CSMD1: variants seen among roughly 807,000 people sequenced by gnomAD.
CSMD1 encodes CUB and sushi domain-containing protein 1.
Under a neutral mutation model 417.5 loss-of-function variants are expected in CSMD1, and 213 were observed. That is an observed-to-expected ratio of 0.51 (90% CI 0.46 to 0.57). The LOEUF is 0.57. Among genes scored for constraint, CSMD1 ranks in the 20% least tolerant of loss-of-function variants. CSMD1 has a pLI of 0.00. For missense variants in CSMD1, 6,923 were observed against 4,529.7 expected (o/e 1.53, Z -15.17); for synonymous variants, 2,862 against 1,736.8 (o/e 1.65, Z -16.11).
chr8:3,503,521 C>G (rs1459316560), intron 10 of CSMD1, among the ~76,000 whole-genome samples: 1 of 152,220 alleles, frequency 6.6e-6, no homozygotes, highest in Non-Finnish European at 1.5e-5. Context: ...GTATTTCATG[C>G]TAAAATCTCC....
chr8:2,973,660 TGG>T lies in CSMD1; in HGVS notation c.8741-363_8741-362del, dbSNP rs66521104. Among the ~76,000 whole-genome samples, 1,021 of 134,508 alleles carry T rather than the reference TGG, an allele frequency of 7.6e-3. 13 individuals are homozygous for T. Among genetic ancestry groups the T allele is most frequent in the African/African-American group, 0.027 (955 of 35,734 alleles). 88.2% of individuals were successfully genotyped at this position (134,508 alleles called of 152,430 possible). ...TGGGGCTTTAGGTAAACAGGGAATG[TGG>T]GGAAAAAAAAAAAAAAAGTCAAAGG... On this transcript the variant is annotated intron_variant, in intron 56 of 69. Transcript: ENST00000635120.
intron 4 of CSMD1, among the ~76,000 whole-genome samples, chr8:4,010,627 C>A (rs1007787237): frequency 6.6e-6 from 1 of 152,090 alleles, no homozygotes; most frequent in Admixed American, 6.5e-5. Flanking sequence ...AGGTCACTTA[C>A]CCAAACACCT....
intron 2 of CSMD1, among the ~76,000 whole-genome samples, chr8:4,540,136 G>T (rs1354152690): frequency 6.6e-6 from 1 of 152,172 alleles, no homozygotes; most frequent in Non-Finnish European, 1.5e-5. Flanking sequence ...ACCGAAAGTG[G>T]TTGGCGTGCA....
intron 23 of CSMD1, among the ~76,000 whole-genome samples, chr8:3,324,734 C>T (rs1038721267): frequency 6.7e-6 from 1 of 148,460 alleles, no homozygotes; most frequent in African/African-American, 2.5e-5. Flanking sequence ...AGACCCAGGA[C>T]GGGGCGTTTC....
chr8:4,789,334 T>C (rs959277079), intron 1 of CSMD1, among the ~76,000 whole-genome samples: 3 of 152,204 alleles, frequency 2.0e-5, no homozygotes, highest in Admixed American at 1.3e-4. Context: ...CAGTCAACTA[T>C]AGACAATAAA....
intron 3 of CSMD1, among the ~76,000 whole-genome samples, chr8:4,252,882 T>C (rs1211458902): frequency 6.6e-6 from 1 of 152,170 alleles, no homozygotes; most frequent in African/African-American, 2.4e-5. Context: ...GCAAAGAGAA[T>C]TTCAGGTGCC....
At chr8:4,364,386 A>G (rs1268947602) in intron 3 of CSMD1, among the ~76,000 whole-genome samples, 1 of 152,178 alleles carries the variant, frequency 6.6e-6, no homozygotes, top group Admixed American at 6.5e-5. Context: ...GTTCCTGTTT[A>G]CTGTTATAGC....
intron 1 of CSMD1, among the ~76,000 whole-genome samples, chr8:4,734,584 C>T (rs293892): frequency 0.91 from 139,317 of 152,330 alleles, 63,907 homozygotes; most frequent in East Asian, 0.99. Context: ...AAATTATATG[C>T]TGTTTAACAA....
At chr8:3,388,325 T>C (rs538601597) in intron 17 of CSMD1, among the ~76,000 whole-genome samples, 1 of 152,194 alleles carries the variant, frequency 6.6e-6, no homozygotes, top group African/African-American at 2.4e-5. Context: ...CATATCATTA[T>C]GAGAGTTTCT....
In CSMD1 at chr8:2,951,371, C is replaced by A. The variant is rs548002951; in HGVS notation, c.10040-96G>T. 7 of 1,273,276 alleles carry A rather than the reference C, an allele frequency of 5.5e-6. No individual in the cohort carries two copies. The African/African-American group carries it at 9.0e-5, about 16-fold the overall frequency. The allele number at this position is 1,273,276 out of a possible 1,614,324, so 78.9% of individuals were successfully genotyped here. On this transcript the variant is annotated intron_variant, in intron 65 of 69. Coordinates refer to ENST00000635120, the MANE Select transcript of CSMD1 (RefSeq NM_033225.6). Reference sequence around the variant, plus strand: ...AGAAGGCATCATACTGCTTAGCGAGCGATCACAGATGAGGGCAGTGATGAA... The same window carrying A: ...AGAAGGCATCATACTGCTTAGCGAGAGATCACAGATGAGGGCAGTGATGAA...
intron 6 of CSMD1, among the ~76,000 whole-genome samples, chr8:3,729,862 G>A (rs187481617): frequency 1.1e-4 from 15 of 136,656 alleles, no homozygotes; most frequent in African/African-American, 2.6e-4. Flanking sequence ...ATTGAAGCAC[G>A]TATCAAAACA....
intron 3 of CSMD1, among the ~76,000 whole-genome samples, chr8:4,363,946 A>G (rs922767668): frequency 2.0e-5 from 3 of 152,204 alleles, no homozygotes; most frequent in Non-Finnish European, 4.4e-5. Context: ...TAACAAGTAC[A>G]AAAAAGAAAG....
At chr8:3,078,364 G>C (rs901976833) in intron 49 of CSMD1, among the ~76,000 whole-genome samples, 1 of 152,164 alleles carries the variant, frequency 6.6e-6, no homozygotes, top group Non-Finnish European at 1.5e-5. Flanking sequence ...CATGGACAGA[G>C]GAAATGCGTT....
At chr8:4,022,208 C>T (rs1033171300) in intron 4 of CSMD1, among the ~76,000 whole-genome samples, 2 of 144,946 alleles carry the variant, frequency 1.4e-5, no homozygotes, top group African/African-American at 2.6e-5. Flanking sequence ...ATAACAATAG[C>T]ATTGTTATTG....
intron 26 of CSMD1, among the ~76,000 whole-genome samples, chr8:3,267,301 G>C (rs538183687): frequency 6.6e-6 from 1 of 152,312 alleles, no homozygotes; most frequent in Admixed American, 6.5e-5. Flanking sequence ...CACAAGGCGT[G>C]ATATCCCACT....
At chr8:4,552,741 A>T (rs1797928795) in intron 2 of CSMD1, among the ~76,000 whole-genome samples, 1 of 152,186 alleles carries the variant, frequency 6.6e-6, no homozygotes, top group Non-Finnish European at 1.5e-5. Context: ...GTGAAACTAG[A>T]TAGGCATCGT....
rs150645015 is a variant in CSMD1 at position 4,056,208 on chromosome 8, A to C, written c.416-24109T>G. Reference sequence around the variant, plus strand: ...GCAATTCTCTTGCCTCAGCCTCCCGAGTAGCTGGGATTACAGGTGTGTACT... The same window carrying C: ...GCAATTCTCTTGCCTCAGCCTCCCGCGTAGCTGGGATTACAGGTGTGTACT... On this transcript the variant is annotated intron_variant, in intron 3 of 69. Transcript: ENST00000635120. 0.011 allele frequency among the ~76,000 whole-genome samples: 1,574 copies of C among 147,466 alleles called. 55 individuals are homozygous for C. The East Asian group carries it at 0.13, about 13-fold the overall frequency.
At chr8:4,373,804 C>A (rs575222720) in intron 3 of CSMD1, among the ~76,000 whole-genome samples, 3 of 152,250 alleles carry the variant, frequency 2.0e-5, no homozygotes, top group East Asian at 3.9e-4. Context: ...TTGTTATAGT[C>A]GTCAAAGCCT....
At chr8:3,467,089 C>G (rs1816829451) in intron 12 of CSMD1, among the ~76,000 whole-genome samples, 1 of 152,162 alleles carries the variant, frequency 6.6e-6, no homozygotes, top group Admixed American at 6.5e-5. Flanking sequence ...GAGACTCTTA[C>G]CACAGCACTA....
Sources: allele counts gnomAD v4.1 joint callset (sites outside exome capture counted in the v4.1 genomes callset), GRCh38; gene constraint gnomAD v4.1.1; transcripts MANE v1.5; gene names NCBI Gene and HGNC (gene_info 2026-07-23, HGNC 2026-07-21).